DOCK4: variants seen among roughly 807,000 people sequenced by gnomAD.
DOCK4 encodes dedicator of cytokinesis 4, also known as dedicator of cytokinesis protein 4.
In DOCK4, 97 loss-of-function variants were observed where a neutral mutation model predicts 268.1. That is an observed-to-expected ratio of 0.36 (90% CI 0.31 to 0.43). The LOEUF is 0.43. DOCK4 is among the 20% of genes least tolerant of loss of function. The pLI, the probability that DOCK4 is intolerant of heterozygous loss-of-function variation, is 1.00. For synonymous variants in DOCK4, 954 were observed against 887.2 expected (o/e 1.08, Z -1.34); for missense variants, 2,145 against 2,455.7 (o/e 0.87, Z 2.67).
chr7:111,924,354 C>T (rs556923197), intron 12 of DOCK4, among the ~76,000 whole-genome samples: 1 of 152,182 alleles, frequency 6.6e-6, no homozygotes, highest in South Asian at 2.1e-4. Flanking sequence ...GGCTATACAA[C>T]TGGGACCAGG....
At chr7:111,955,987 A>T (rs2134928111) in intron 8 of DOCK4, among the ~76,000 whole-genome samples, 1 of 152,312 alleles carries the variant, frequency 6.6e-6, no homozygotes, top group South Asian at 2.1e-4. Context: ...TTCACTAAAA[A>T]ATGAGTTCCT....
chr7:112,087,071 AG>A (rs144857923), intron 1 of DOCK4, among the ~76,000 whole-genome samples: 3,093 of 152,222 alleles, frequency 0.02, 129 homozygotes, highest in African/African-American at 0.071. Context: ...TGGTGCAGAC[AG>A]GGCAGCTCAC....
chr7:112,176,354 G>A (rs1563159048), intron 1 of DOCK4, among the ~76,000 whole-genome samples: 1 of 152,056 alleles, frequency 6.6e-6, no homozygotes, highest in African/African-American at 2.4e-5. Context: ...AAAGCCTCTG[G>A]GTCCATGAAC....
At chr7:111,748,382 G>A (rs770740966) in intron 42 of DOCK4, among the ~76,000 whole-genome samples, 8 of 151,982 alleles carry the variant, frequency 5.3e-5, no homozygotes, top group Non-Finnish European at 8.8e-5. Context: ...CAAAAAGCAC[G>A]TGTTCAGGGT....
At chr7:111,940,699 A>T (rs1795136732) in intron 10 of DOCK4, among the ~76,000 whole-genome samples, 1 of 152,248 alleles carries the variant, frequency 6.6e-6, no homozygotes, top group African/African-American at 2.4e-5. Context: ...ACAGGTGATC[A>T]AATGTGCATG....
At chr7:112,064,370 G>A (rs1031446096) in intron 1 of DOCK4, among the ~76,000 whole-genome samples, 4 of 152,176 alleles carry the variant, frequency 2.6e-5, no homozygotes, top group Non-Finnish European at 4.4e-5. Context: ...CTGCATCAAA[G>A]GACCTTGGCA....
At chr7:112,149,008 A>G (rs1815785823) in intron 1 of DOCK4, among the ~76,000 whole-genome samples, 2 of 152,192 alleles carry the variant, frequency 1.3e-5, no homozygotes. Context: ...TCCCTCCTGC[A>G]AGCTCTACTG....
chr7:111,880,676 C>T (rs1159927529), intron 16 of DOCK4, among the ~76,000 whole-genome samples: 1 of 152,144 alleles, frequency 6.6e-6, no homozygotes, highest in Non-Finnish European at 1.5e-5. Context: ...TTGAATTCTA[C>T]TACAGAGCTA....
At chr7:112,140,293 C>T (rs960254599) in intron 1 of DOCK4, among the ~76,000 whole-genome samples, 18 of 152,150 alleles carry the variant, frequency 1.2e-4, no homozygotes, top group African/African-American at 3.9e-4. Context: ...CCCCCAACCC[C>T]CACCTGCAGG....
chr7:111,791,738 G>A (rs374575082), intron 30 of DOCK4, among the ~76,000 whole-genome samples: 37 of 151,910 alleles, frequency 2.4e-4, no homozygotes, highest in Middle Eastern at 3.4e-3. Context: ...ATGAGCTATC[G>A]CGCCCAGCCT....
intron 13 of DOCK4, among the ~76,000 whole-genome samples, chr7:111,913,628 C>T (rs1417932649): frequency 6.6e-6 from 1 of 151,434 alleles, no homozygotes; most frequent in Non-Finnish European, 1.5e-5. Flanking sequence ...CCAGGATGGT[C>T]TCGATCTTCT....
chr7:112,097,192 C>T (rs1163059546), intron 1 of DOCK4, among the ~76,000 whole-genome samples: 1 of 152,178 alleles, frequency 6.6e-6, no homozygotes, highest in Non-Finnish European at 1.5e-5. Flanking sequence ...TTTTAAACTT[C>T]CTTGGCTAAG....
At chr7:112,059,069 G>A (rs1020853046) in intron 1 of DOCK4, among the ~76,000 whole-genome samples, 1 of 149,798 alleles carries the variant, frequency 6.7e-6, no homozygotes, top group African/African-American at 2.5e-5. Context: ...GGCAAATGAA[G>A]CTACAATAAT....
intron 1 of DOCK4, among the ~76,000 whole-genome samples, chr7:112,076,535 G>T (rs1347298119): frequency 1.3e-5 from 2 of 151,952 alleles, no homozygotes; most frequent in African/African-American, 4.8e-5. Context: ...TCCACCCTAA[G>T]GCCCACTTGA....
Position 111,739,365 on chromosome 7 carries a change from C to A in DOCK4, c.5122+31G>T, listed in dbSNP as rs749863135. The A allele has an allele frequency of 5.6e-6, 9 of 1,594,428 alleles. No individual in the cohort carries two copies. In the East Asian group the frequency reaches 2.0e-4, roughly 36 times the overall value. On this transcript the variant is annotated intron_variant, in intron 48 of 52. Coordinates refer to ENST00000428084, the MANE Select transcript of DOCK4 (RefSeq NM_001363540.2). ...CCAGGACTAGAAGGTTCTCTGGGCACCCTCAGTCTTCCCCACACTCTGGCA... is the reference window on the plus strand; with the variant it reads ...CCAGGACTAGAAGGTTCTCTGGGCAACCTCAGTCTTCCCCACACTCTGGCA...
chr7:112,130,162 G>T (rs890851973), intron 1 of DOCK4, among the ~76,000 whole-genome samples: 3 of 152,134 alleles, frequency 2.0e-5, no homozygotes, highest in African/African-American at 7.2e-5. Context: ...AGCAATCCAG[G>T]AAGCTGCAGG....
chr7:111,742,180 C>T, intron 44 of DOCK4, 48 bp from the exon 45 acceptor site: 1 of 1,514,824 alleles, frequency 6.6e-7, no homozygotes, highest in Non-Finnish European at 8.8e-7. Context: ...GACTACCTCT[C>T]ACTAAGTGCC....
At position 111,977,203 on chromosome 7, in the gene DOCK4, C is replaced by T; in HGVS notation, c.630G>A (p.Met210Ile). Residue 210 changes from methionine (M) to isoleucine (I), a missense_variant, in exon 8 of 53, where the codon ATG becomes ATA. By Grantham distance (10) the Met-to-Ile change is conservative (BLOSUM62 1). This residue lies in a region of DOCK4 where 1,598 missense variants were observed against 1,986.7 expected (regional missense o/e 0.80). Coordinates refer to ENST00000428084, the MANE Select transcript of DOCK4 (RefSeq NM_001363540.2). ...CCAGCTCCTCTCCCAGGTTGGAACA[C>T]ATGAGGCTCTTCATCTGGACAAAGA... is the stretch of plus-strand genomic sequence containing the variant. Reference protein sequence around the residue: ...HHLFVQMKSLMCSNLGEELEV... With the variant: ...HHLFVQMKSLICSNLGEELEV... The T allele has an allele frequency of 6.2e-7, 1 of 1,612,394 alleles. No homozygotes were observed.
chr7:111,992,311 G>A (rs765771578), intron 5 of DOCK4, among the ~76,000 whole-genome samples: 5 of 152,088 alleles, frequency 3.3e-5, no homozygotes, highest in African/African-American at 9.7e-5. Flanking sequence ...TGGAAAAGAC[G>A]ATGGACAATA....
Sources: allele counts gnomAD v4.1 joint callset (sites outside exome capture counted in the v4.1 genomes callset), GRCh38; gene constraint gnomAD v4.1.1; regional missense constraint gnomAD v4.1.1; transcripts MANE v1.5; gene names NCBI Gene and HGNC (gene_info 2026-07-23, HGNC 2026-07-21).